The following SPATA16 variants were observed in gnomAD, a reference collection of about 807,000 sequenced individuals.
The protein encoded by SPATA16 is spermatogenesis-associated protein 16.
In SPATA16, 36 loss-of-function variants were observed where a neutral mutation model predicts 63.3. That is an observed-to-expected ratio of 0.57 (90% CI 0.44 to 0.75). The LOEUF is 0.75. SPATA16 is among the 30% of genes least tolerant of loss of function. The pLI, the probability that SPATA16 is intolerant of heterozygous loss-of-function variation, is 0.00. For missense variants in SPATA16, 646 were observed against 679.3 expected (o/e 0.95, Z 0.54); for synonymous variants, 203 against 216.7 (o/e 0.94, Z 0.56).
intron 2 of SPATA16, among the ~76,000 whole-genome samples, chr3:173,108,567 A>C (rs972598700): frequency 1.9e-4 from 29 of 152,106 alleles, no homozygotes; most frequent in African/African-American, 6.5e-4. Flanking sequence ...AGATAATTGT[A>C]CTGGACTCTC....
intron 2 of SPATA16, among the ~76,000 whole-genome samples, chr3:173,056,634 G>A (rs746797287): frequency 1.1e-4 from 17 of 150,408 alleles, no homozygotes; most frequent in Non-Finnish European, 2.4e-4. Context: ...AACCCAGGAG[G>A]CGGAGGTTGC....
intron 4 of SPATA16, among the ~76,000 whole-genome samples, chr3:173,005,589 A>G (rs1734926975): frequency 6.6e-6 from 1 of 152,198 alleles, no homozygotes; most frequent in Non-Finnish European, 1.5e-5. Context: ...TTTGCACGAT[A>G]AATTATTTTA....
At chr3:172,932,293 G>A (rs971562161) in intron 6 of SPATA16, among the ~76,000 whole-genome samples, 1 of 152,088 alleles carries the variant, frequency 6.6e-6, no homozygotes, top group East Asian at 1.9e-4. Flanking sequence ...ATTTGTTGGG[G>A]TCTATCATTA....
chr3:173,014,611 GTAAA>G (rs1242049261), intron 4 of SPATA16, among the ~76,000 whole-genome samples: 1 of 152,146 alleles, frequency 6.6e-6, no homozygotes, highest in Non-Finnish European at 1.5e-5. Flanking sequence ...ATTTTAAAAA[GTAAA>G]TAAATTTATT....
intron 10 of SPATA16, among the ~76,000 whole-genome samples, chr3:172,901,094 C>T (rs77687296): frequency 0.033 from 4,953 of 151,646 alleles, 261 homozygotes; most frequent in African/African-American, 0.11. Flanking sequence ...TTTATATTTT[C>T]TCTTTGTTGA....
At chr3:173,095,970 C>G (rs1480179973) in intron 2 of SPATA16, among the ~76,000 whole-genome samples, 1 of 151,974 alleles carries the variant, frequency 6.6e-6, no homozygotes, top group Non-Finnish European at 1.5e-5. Flanking sequence ...TTTATAAGCT[C>G]TAGTAATAAA....
At chr3:172,900,476 A>C (rs995495600) in intron 10 of SPATA16, among the ~76,000 whole-genome samples, 2 of 152,124 alleles carry the variant, frequency 1.3e-5, no homozygotes, top group Non-Finnish European at 2.9e-5. Context: ...GTTTTCAGCC[A>C]CTATTTCTTT....
chr3:173,095,302 A>G (rs973350413), intron 2 of SPATA16, among the ~76,000 whole-genome samples: 13 of 152,180 alleles, frequency 8.5e-5, no homozygotes. Context: ...AAAAAAGCAA[A>G]CCAGAGTTAA....
rs1392810929 is a variant in SPATA16 at position 172,966,062 on chromosome 3, C to G, written c.934-9238G>C. 2.0e-5 allele frequency among the ~76,000 whole-genome samples: 3 copies of G among 152,164 alleles called. No individual in the cohort carries two copies. The East Asian group carries it at 5.8e-4, about 29-fold the overall frequency. On this transcript the variant is annotated intron_variant, in intron 5 of 10. Coordinates refer to ENST00000351008, the MANE Select transcript of SPATA16 (RefSeq NM_031955.6). ...AAATGTCTCAGAGGGGAAATAATTG[C>G]ACCTGTGAGAAATGCAATGGACTTG...
At chr3:173,001,429 T>C (rs909827474) in intron 4 of SPATA16, among the ~76,000 whole-genome samples, 4 of 152,158 alleles carry the variant, frequency 2.6e-5, no homozygotes, top group Admixed American at 1.3e-4. Flanking sequence ...AAGAACAGAA[T>C]GCTGTGGTGT....
intron 2 of SPATA16, among the ~76,000 whole-genome samples, chr3:173,095,853 T>C (rs1270794707): frequency 6.6e-6 from 1 of 152,198 alleles, no homozygotes; most frequent in Non-Finnish European, 1.5e-5. Context: ...AGGTGAAACC[T>C]ACATTATCTA....
At chr3:173,052,885 T>C (rs1464842025) in intron 2 of SPATA16, among the ~76,000 whole-genome samples, 2 of 152,206 alleles carry the variant, frequency 1.3e-5, no homozygotes, top group African/African-American at 2.4e-5. Flanking sequence ...AGTATATCAC[T>C]GAGAAGACTT....
At chr3:172,938,251 T>C (rs1053126849) in intron 6 of SPATA16, among the ~76,000 whole-genome samples, 3 of 151,894 alleles carry the variant, frequency 2.0e-5, no homozygotes, top group Admixed American at 1.3e-4. Context: ...TGAGGAGAGG[T>C]AAAAGGGAGA....
intron 5 of SPATA16, among the ~76,000 whole-genome samples, chr3:172,958,122 G>C (rs562414449): frequency 2.6e-5 from 4 of 152,140 alleles, no homozygotes; most frequent in Non-Finnish European, 5.9e-5. Context: ...GAACTGAATG[G>C]GGAACAGAAA....
At chr3:172,953,448 C>T (rs1261323958) in intron 6 of SPATA16, among the ~76,000 whole-genome samples, 5 of 152,174 alleles carry the variant, frequency 3.3e-5, no homozygotes, top group Admixed American at 3.3e-4. Context: ...TGGCTGGGTT[C>T]ACAAGCTAGC....
intron 4 of SPATA16, among the ~76,000 whole-genome samples, chr3:172,995,126 T>G (rs1734667073): frequency 6.6e-6 from 1 of 152,088 alleles, no homozygotes. Context: ...GTGCAATTCT[T>G]TTTTAAAAAA....
chr3:173,078,638 A>G (rs1278571917), intron 2 of SPATA16, among the ~76,000 whole-genome samples: 1 of 152,190 alleles, frequency 6.6e-6, no homozygotes, highest in African/African-American at 2.4e-5. Context: ...GAGAAATGAT[A>G]TCAAGTTTCC....
chr3:173,000,321 T>C (rs1230995922), intron 4 of SPATA16, among the ~76,000 whole-genome samples: 1 of 152,234 alleles, frequency 6.6e-6, no homozygotes, highest in African/African-American at 2.4e-5. Flanking sequence ...CCCAGTCTAA[T>C]GTATTTTGTT....
chr3:173,063,678 G>T (rs1434347255), intron 2 of SPATA16, among the ~76,000 whole-genome samples: 1 of 152,114 alleles, frequency 6.6e-6, no homozygotes, highest in African/African-American at 2.4e-5. Flanking sequence ...ATAAACTGCA[G>T]ATTTACTACA....
Sources: gnomAD v4.1 joint callset for allele counts (sites outside exome capture counted in the v4.1 genomes callset) on GRCh38, gnomAD v4.1.1 for gene constraint, MANE v1.5 for transcripts, NCBI Gene and HGNC (gene_info 2026-07-23, HGNC 2026-07-21) for gene names.